LSAMP: variants seen among roughly 807,000 people sequenced by gnomAD.
The protein encoded by LSAMP is limbic system-associated membrane protein.
In LSAMP, 7 loss-of-function variants were observed where a neutral mutation model predicts 38.6. The ratio of observed to expected loss-of-function variants is 0.18; its 90% CI spans 0.10 to 0.34. LSAMP has a LOEUF of 0.34. LSAMP is among the 10% of genes least tolerant of loss of function. LSAMP has a pLI of 1.00. For synonymous variants in LSAMP, 154 were observed against 166.8 expected, an observed-to-expected ratio of 0.92 and a Z score of 0.59; for missense variants, 313 against 420.0, an observed-to-expected ratio of 0.75 and a Z score of 2.23.
intron 2 of LSAMP, among the ~76,000 whole-genome samples, chr3:116,072,132 C>T (rs773323632): frequency 1.8e-4 from 27 of 151,932 alleles, no homozygotes; most frequent in Non-Finnish European, 2.8e-4. Context: ...CCTGCCACCA[C>T]GCCCAGCTAA....
intron 1 of LSAMP, among the ~76,000 whole-genome samples, chr3:116,390,005 A>G (rs2048671862): frequency 6.6e-6 from 1 of 152,172 alleles, no homozygotes; most frequent in South Asian, 2.1e-4. Flanking sequence ...AATGTCCACC[A>G]GTTGTGAATG....
chr3:116,182,241 C>A (rs796637658), intron 1 of LSAMP, among the ~76,000 whole-genome samples: 1 of 151,798 alleles, frequency 6.6e-6, no homozygotes, highest in South Asian at 2.1e-4. Context: ...CTATGAAGAA[C>A]TATTTCAGTT....
At chr3:116,137,467 T>A (rs1376035649) in intron 1 of LSAMP, among the ~76,000 whole-genome samples, 2 of 152,174 alleles carry the variant, frequency 1.3e-5, no homozygotes, top group East Asian at 3.9e-4. Flanking sequence ...ACCAAAAGTA[T>A]CAATTTTGGA....
chr3:116,104,319 T>G (rs1365157005), intron 1 of LSAMP, among the ~76,000 whole-genome samples: 1 of 151,836 alleles, frequency 6.6e-6, no homozygotes, highest in Non-Finnish European at 1.5e-5. Context: ...AAGGAATAAG[T>G]GAAGAACACT....
chr3:116,335,177 T>C (rs1350236001), intron 1 of LSAMP, among the ~76,000 whole-genome samples: 1 of 151,920 alleles, frequency 6.6e-6, no homozygotes, highest in Non-Finnish European at 1.5e-5. Context: ...TCAAAGAATA[T>C]ATGATGAAAA....
At chr3:115,821,308 C>A (rs1167956938) in intron 6 of LSAMP, among the ~76,000 whole-genome samples, 1 of 152,134 alleles carries the variant, frequency 6.6e-6, no homozygotes, top group Non-Finnish European at 1.5e-5. Context: ...TGAGTTATAT[C>A]TGGGAGATGA....
chr3:116,173,239 T>A (rs1027110087), intron 1 of LSAMP, among the ~76,000 whole-genome samples: 2 of 152,060 alleles, frequency 1.3e-5, no homozygotes, highest in African/African-American at 4.8e-5. Context: ...GCAGGTTAGC[T>A]GTCCTGGATG....
At chr3:116,396,807 T>C (rs1419868540) in intron 1 of LSAMP, among the ~76,000 whole-genome samples, 2 of 152,184 alleles carry the variant, frequency 1.3e-5, no homozygotes, top group Non-Finnish European at 2.9e-5. Flanking sequence ...ATCTGTTCAT[T>C]GTTTTCTCTA....
At chr3:116,295,093 A>AAAG (rs1300295253) in intron 1 of LSAMP, among the ~76,000 whole-genome samples, 1 of 152,234 alleles carries the variant, frequency 6.6e-6, no homozygotes, top group East Asian at 1.9e-4. Context: ...ATACTAAAAG[A>AAAG]AAGAAAATGA....
At chr3:115,906,499 A>G (rs1516520) in intron 3 of LSAMP, among the ~76,000 whole-genome samples, 20,997 of 152,148 alleles carry the variant, frequency 0.14, 1,557 homozygotes, top group Middle Eastern at 0.21. Flanking sequence ...CCTGCAGACT[A>G]GACTTCGAAG....
chr3:115,868,497 A>T (rs908329875), intron 3 of LSAMP, among the ~76,000 whole-genome samples: 5 of 152,114 alleles, frequency 3.3e-5, no homozygotes, highest in African/African-American at 9.7e-5. Context: ...TGTATGTGGG[A>T]TGGGTGGAAC....
At chr3:116,366,330 T>C (rs2048353033) in intron 1 of LSAMP, among the ~76,000 whole-genome samples, 1 of 152,130 alleles carries the variant, frequency 6.6e-6, no homozygotes, top group Non-Finnish European at 1.5e-5. Context: ...AATATATGAA[T>C]CAACATGTGA....
Position 116,147,636 on chromosome 3 carries a change from T to C in LSAMP, c.156-61080A>G, listed in dbSNP as rs142904659. Among the ~76,000 whole-genome samples, 449 of 152,010 alleles carry C rather than the reference T, an allele frequency of 3.0e-3. 3 individuals are homozygous for C. The highest frequency in any genetic ancestry group is 9.9e-3 in the African/African-American group (409 of 41,506). On this transcript the variant is annotated intron_variant, in intron 1 of 6. Transcript: ENST00000490035. ...TTTTATGGTTAGAACATCCAACTCC[T>C]TACTCTTTTTACAAAACTAGGGCTG...
rs138983947 is a variant in LSAMP at position 116,311,252 on chromosome 3, A to G, written c.155+133625T>C. ...AACTACTTCATCTTTTCTTATATTT[A>G]CTTTCAATATTAAAGTCAGTAGTTT... On this transcript the variant is annotated intron_variant, in intron 1 of 6. Transcript: ENST00000490035. 4.8e-3 allele frequency among the ~76,000 whole-genome samples: 725 copies of G among 152,278 alleles called. 4 individuals are homozygous for G. The highest frequency in any genetic ancestry group is 0.017 in the African/African-American group (688 of 41,564).
intron 2 of LSAMP, among the ~76,000 whole-genome samples, chr3:116,027,712 A>AAAGCCATTTAATT (rs770479100): frequency 4.6e-5 from 7 of 152,166 alleles, no homozygotes; most frequent in Admixed American, 2.0e-4. Context: ...TTAGATCTAC[A>AAAGCCATTTAATT]AAGCCATTTA....
intron 1 of LSAMP, among the ~76,000 whole-genome samples, chr3:116,303,032 GTATTTT>G (rs1397206184): frequency 6.6e-6 from 1 of 152,122 alleles, no homozygotes; most frequent in Non-Finnish European, 1.5e-5. Flanking sequence ...CATATCCTGA[GTATTTT>G]TATTTTAATT....
At chr3:116,438,784 T>C (rs1005536531) in intron 1 of LSAMP, among the ~76,000 whole-genome samples, 3 of 152,196 alleles carry the variant, frequency 2.0e-5, no homozygotes, top group Admixed American at 6.5e-5. Context: ...GTTATTTCCA[T>C]AGACGTTATG....
At chr3:116,412,001 T>C (rs1450627583) in intron 1 of LSAMP, among the ~76,000 whole-genome samples, 1 of 152,026 alleles carries the variant, frequency 6.6e-6, no homozygotes, top group Admixed American at 6.6e-5. Flanking sequence ...GCTGGTGCCA[T>C]GCTCTTGCAT....
chr3:116,120,545 T>C (rs1708851110), intron 1 of LSAMP, among the ~76,000 whole-genome samples: 1 of 152,150 alleles, frequency 6.6e-6, no homozygotes, highest in Non-Finnish European at 1.5e-5. Context: ...CAGTTATTTT[T>C]TACTTGCAGT....
Sources: gnomAD v4.1 joint callset for allele counts (sites outside exome capture counted in the v4.1 genomes callset) on GRCh38, gnomAD v4.1.1 for gene constraint, MANE v1.5 for transcripts, NCBI Gene and HGNC (gene_info 2026-07-23, HGNC 2026-07-21) for gene names.